The following CCDC88A variants were observed in gnomAD, a reference collection of about 807,000 sequenced individuals.
CCDC88A encodes girdin.
Under a neutral mutation model 234.3 loss-of-function variants are expected in CCDC88A, and 54 were observed. The ratio of observed to expected loss-of-function variants is 0.23; its 90% CI spans 0.19 to 0.29. CCDC88A has a LOEUF of 0.29. Among genes scored for constraint, CCDC88A ranks in the 10% least tolerant of loss-of-function variants. The probability of loss-of-function intolerance (pLI) is 1.00; values close to 1 mark genes in which losing one functional copy is unlikely to be tolerated. For synonymous variants in CCDC88A, 753 were observed against 737.8 expected, an observed-to-expected ratio of 1.02 and a Z score of -0.33; for missense variants, 1,832 against 2,123.4, an observed-to-expected ratio of 0.86 and a Z score of 2.70.
Position 55,349,492 on chromosome 2 carries a change from A to C in CCDC88A, c.882+26T>G, listed in dbSNP as rs368248171. 1.4e-5 allele frequency: 21 copies of C among 1,509,936 alleles called. No homozygotes were observed. In the African/African-American group the frequency reaches 2.9e-4, roughly 21 times the overall value. The allele number at this position is 1,509,936 out of a possible 1,614,324, so 93.5% of individuals were successfully genotyped here. On this transcript the variant is annotated intron_variant, in intron 9 of 32. Coordinates refer to ENST00000436346, the MANE Select transcript of CCDC88A (RefSeq NM_001365480.1). ...CAATTTCCAATTACTTGGTGGTCCTAAATAACAGATATTCCAGGTACAAAC... is the reference window on the plus strand; with the variant it reads ...CAATTTCCAATTACTTGGTGGTCCTCAATAACAGATATTCCAGGTACAAAC...
At chr2:55,351,538 G>A (rs1421321845) in intron 8 of CCDC88A, among the ~76,000 whole-genome samples, 1 of 152,050 alleles carries the variant, frequency 6.6e-6, no homozygotes, top group Non-Finnish European at 1.5e-5. Context: ...GTAGAGACGG[G>A]TCTCCCTGTG....
chr2:55,297,317 TATATA>T (rs1335456576), intron 29 of CCDC88A, among the ~76,000 whole-genome samples: 1 of 95,298 alleles, frequency 1.0e-5, no homozygotes, highest in African/African-American at 4.6e-5. Flanking sequence ...TATATATAAA[TATATA>T]ATATATAATA....
intron 9 of CCDC88A, among the ~76,000 whole-genome samples, chr2:55,347,762 C>T (rs1339904078): frequency 2.2e-4 from 34 of 151,690 alleles, no homozygotes; most frequent in Admixed American, 2.2e-3. Flanking sequence ...CAGGTGTGCA[C>T]CACCACACCC....
At chr2:55,301,319 TA>T (rs766291815) in intron 27 of CCDC88A, 42 bp from the exon 28 acceptor site, 3 of 1,057,966 alleles carry the variant, frequency 2.8e-6, no homozygotes, top group African/African-American at 3.3e-5. Context: ...ATTTTTGTAA[TA>T]AAAAACCATT....
chr2:55,359,596 T>G (rs1671024590), intron 7 of CCDC88A, among the ~76,000 whole-genome samples: 1 of 150,500 alleles, frequency 6.6e-6, no homozygotes, highest in East Asian at 1.9e-4. Flanking sequence ...AGCATATATA[T>G]AAGAATATAT....
rs769636675 is a variant in CCDC88A at position 55,301,951 on chromosome 2, G to T, written c.4593C>A (p.Ala1531=). Reference sequence around the variant, plus strand: ...AAAAGTTGATGGCTGTAGTAGAGAAGGCCATAGCTCCCAATTCTTTTCTCC... The same window carrying T: ...AAAAGTTGATGGCTGTAGTAGAGAATGCCATAGCTCCCAATTCTTTTCTCC... ...GKRRKELGAM[A]FSTTAINFST... Residue 1531 remains alanine, a synonymous_variant, in exon 27 of 33, where the codon GCC becomes GCA. Transcript: ENST00000436346. The T allele has an allele frequency of 6.2e-7, 1 of 1,614,086 alleles. No homozygotes were observed. Among genetic ancestry groups the T allele is most frequent in the Non-Finnish European group, 8.5e-7 (1 of 1,179,964 alleles).
rs534069969 is a variant in CCDC88A at position 55,312,404 on chromosome 2, T to C, written c.4079+30A>G. ...CAATGATAAAATCATGAGTAACATA[T>C]TTCAGAGTGCAAAATTATTTGGTAC... On this transcript the variant is annotated intron_variant, in intron 23 of 32. Transcript: ENST00000436346. The C allele has an allele frequency of 3.8e-6, 6 of 1,597,232 alleles. No individual in the cohort carries two copies. The South Asian group carries it at 4.5e-5, about 12-fold the overall frequency.
intron 12 of CCDC88A, among the ~76,000 whole-genome samples, chr2:55,343,089 G>A (rs1244069770): frequency 6.6e-6 from 1 of 152,078 alleles, no homozygotes; most frequent in Non-Finnish European, 1.5e-5. Context: ...GGAAAAGAGA[G>A]CCAAAAGTTA....
At chr2:55,410,520 T>C (rs1325857444) in intron 2 of CCDC88A, among the ~76,000 whole-genome samples, 1 of 152,224 alleles carries the variant, frequency 6.6e-6, no homozygotes, top group African/African-American at 2.4e-5. Flanking sequence ...TCCTGGATCT[T>C]ACAAATGTTA....
At chr2:55,302,131 A>G in intron 26 of CCDC88A, 59 bp from the exon 27 acceptor site, 1 of 1,361,262 alleles carries the variant, frequency 7.3e-7, no homozygotes, top group Non-Finnish European at 1.0e-6. Flanking sequence ...TCTTATTTCT[A>G]TTTTGTAGTA....
intron 13 of CCDC88A, among the ~76,000 whole-genome samples, chr2:55,338,324 G>T (rs1668055161): frequency 6.6e-6 from 1 of 152,134 alleles, no homozygotes; most frequent in African/African-American, 2.4e-5. Flanking sequence ...AATCTTACAA[G>T]AATACTAAGG....
intron 2 of CCDC88A, among the ~76,000 whole-genome samples, chr2:55,409,394 G>A (rs2104977052): frequency 6.6e-6 from 1 of 152,228 alleles, no homozygotes; most frequent in South Asian, 2.1e-4. Flanking sequence ...TTTCCTCCAT[G>A]TAAATCATCA....
chr2:55,369,449 CTTTTTTT>C (rs10587591), intron 5 of CCDC88A, among the ~76,000 whole-genome samples: 4 of 125,446 alleles, frequency 3.2e-5, no homozygotes, highest in Non-Finnish European at 6.6e-5. Context: ...TTCAACCACA[CTTTTTTT>C]TTTTTTTTTT....
chr2:55,409,795 CA>C (rs1387565284), intron 2 of CCDC88A, among the ~76,000 whole-genome samples: 1 of 148,000 alleles, frequency 6.8e-6, no homozygotes, highest in Non-Finnish European at 1.5e-5. Context: ...AGCCGGAGTG[CA>C]GTGGCGCAAT....
In CCDC88A at chr2:55,295,464, G is replaced by C. The variant is rs117795614; in HGVS notation, c.5551+133C>G. The C allele has an allele frequency of 6.6e-5, 103 of 1,570,644 alleles. No homozygotes were observed. In the East Asian group the frequency reaches 2.3e-3, roughly 35 times the overall value. On this transcript the variant is annotated intron_variant, in intron 31 of 32. Transcript: ENST00000436346. Reference sequence around the variant, plus strand: ...TTGGTTTAGAAAATGTGACCTTCCTGTTCTTGAGTTTCTAGCCTGGGCATA... The same window carrying C: ...TTGGTTTAGAAAATGTGACCTTCCTCTTCTTGAGTTTCTAGCCTGGGCATA...
chr2:55,404,054 T>C (rs1679163726), intron 2 of CCDC88A: 1 of 152,194 alleles, frequency 6.6e-6, no homozygotes, highest in Non-Finnish European at 1.5e-5. Context: ...TACTATGGCT[T>C]TCACTCCCAT....
chr2:55,419,160 G>C lies in CCDC88A; in HGVS notation c.-81C>G. The stretch of plus-strand genomic sequence containing the variant: ...TGGTCACTAAACGTGGAAGTAAGTA[G>C]AAATCAATGAAAGTCCATTTCGGCA... On this transcript the variant is annotated 5_prime_UTR_variant, in exon 1 of 33. Transcript: ENST00000436346. 1 of 826,640 alleles carries C rather than the reference G, an allele frequency of 1.2e-6. No homozygotes were observed. Among genetic ancestry groups the C allele is most frequent in the Non-Finnish European group, 2.0e-6 (1 of 494,478 alleles). 51.2% of individuals were successfully genotyped at this position (826,640 alleles called of 1,614,324 possible). A position where few individuals can be genotyped will look rare whatever the true frequency, so the allele number is the denominator to read the frequency against.
chr2:55,317,696 A>AGATT lies in CCDC88A; in HGVS notation c.3469_3470insAATC (p.Ile1157LysfsTer6). 1 of 1,613,500 alleles carries AGATT rather than the reference A, an allele frequency of 6.2e-7. No homozygotes were observed. Among genetic ancestry groups the AGATT allele is most frequent in the Non-Finnish European group, 8.5e-7 (1 of 1,179,650 alleles). Reference sequence around the variant, plus strand: ...AAGTTCCAGCTTTTCATGATCTTTGATCAGAGAATCATAGAGAGATTTTAG... The same window carrying AGATT: ...AAGTTCCAGCTTTTCATGATCTTTGAGATTTCAGAGAATCATAGAGAGATTTTAG... On this transcript the variant is annotated frameshift_variant, in exon 20 of 33. Coordinates refer to ENST00000436346, the MANE Select transcript of CCDC88A (RefSeq NM_001365480.1). LOFTEE classifies it high-confidence loss of function. The surrounding 1 kb of genome is among the most constrained non-coding windows in gnomAD (Gnocchi z 4.2).
chr2:55,398,722 G>C (rs1574463038), intron 2 of CCDC88A, among the ~76,000 whole-genome samples: 1 of 152,142 alleles, frequency 6.6e-6, no homozygotes, highest in Admixed American at 6.5e-5. Flanking sequence ...AGACTACCCT[G>C]GGCAACACAG....
Sources: allele counts gnomAD v4.1 joint callset (sites outside exome capture counted in the v4.1 genomes callset), GRCh38; gene constraint gnomAD v4.1.1; non-coding constraint Gnocchi (gnomAD v3.1); transcripts MANE v1.5; gene names NCBI Gene and HGNC (gene_info 2026-07-23, HGNC 2026-07-21).